RGS6: variants seen among roughly 807,000 people sequenced by gnomAD.
The protein encoded by RGS6 is regulator of G protein signaling 6, also known as regulator of G-protein signaling 6.
RGS6 carries 30 observed loss-of-function variants against 78.5 expected under a neutral mutation model. That is an observed-to-expected ratio of 0.38 (90% CI 0.29 to 0.52). The LOEUF (loss-of-function observed/expected upper bound fraction) is 0.52, where lower values mean the gene tolerates loss of function less well. Among genes scored for constraint, RGS6 ranks in the 20% least tolerant of loss-of-function variants. RGS6 has a pLI of 0.85. For synonymous variants in RGS6, 206 were observed against 206.0 expected (o/e 1.00, Z 0.00); for missense variants, 495 against 609.7 (o/e 0.81, Z 1.98).
In RGS6 at chr14:72,453,611, G is replaced by A. The variant is rs1322783929; in HGVS notation, c.185-917G>A. 1.2e-4 allele frequency among the ~76,000 whole-genome samples: 9 copies of A among 75,018 alleles called. No homozygotes were observed. In the South Asian group the frequency reaches 3.4e-3, roughly 28 times the overall value. The allele number at this position is 75,018 out of a possible 152,430, so 49.2% of individuals were successfully genotyped here. On this transcript the variant is annotated intron_variant, in intron 3 of 17. Coordinates refer to ENST00000553525, the MANE Select transcript of RGS6 (RefSeq NM_001204424.2). ...AGCCTGGGCGACAGAGCGAGACTCC[G>A]TCTCAAAAAAAAAAAAAAAAAAAAA... is the stretch of plus-strand genomic sequence containing the variant.
At chr14:72,060,294 A>G (rs1199689639) in intron 2 of RGS6, among the ~76,000 whole-genome samples, 2 of 151,280 alleles carry the variant, frequency 1.3e-5, no homozygotes, top group East Asian at 3.9e-4. Context: ...GCAAGTATTT[A>G]TTCATTTACT....
the RGS6 span, among the ~76,000 whole-genome samples, chr14:72,579,984 T>C: frequency 6.6e-6 from 1 of 152,178 alleles, no homozygotes; most frequent in Non-Finnish European, 1.5e-5. Flanking sequence ...CCAGGGGGAA[T>C]AATATCAGCT....
At chr14:72,148,516 G>A (rs1415158308) in intron 2 of RGS6, among the ~76,000 whole-genome samples, 2 of 152,208 alleles carry the variant, frequency 1.3e-5, no homozygotes, top group African/African-American at 4.8e-5. Flanking sequence ...CTTTGGAGAG[G>A]AGTGGTAGTA....
At position 72,221,816 on chromosome 14, in the gene RGS6, G is replaced by A. The variant is rs569897794; in HGVS notation, c.85-130279G>A. On this transcript the variant is annotated intron_variant, in intron 2 of 17. Coordinates refer to ENST00000553525, the MANE Select transcript of RGS6 (RefSeq NM_001204424.2). Reference sequence around the variant, plus strand: ...ATTCAATTAGTTTGGCCAGAGAGTCGCTGTGTGCTAGTTGGCTTAGGCCAG... The same window carrying A: ...ATTCAATTAGTTTGGCCAGAGAGTCACTGTGTGCTAGTTGGCTTAGGCCAG... Among the ~76,000 whole-genome samples, 8 of 152,244 alleles carry A rather than the reference G, an allele frequency of 5.3e-5. No individual in the cohort carries two copies. The South Asian group carries it at 6.2e-4, about 12-fold the overall frequency.
At chr14:72,342,808 A>C (rs1459141656) in intron 2 of RGS6, among the ~76,000 whole-genome samples, 2 of 152,012 alleles carry the variant, frequency 1.3e-5, no homozygotes, top group African/African-American at 2.4e-5. Context: ...GATCAAAAAA[A>C]ATGCAGCATT....
intron 1 of RGS6, among the ~76,000 whole-genome samples, chr14:71,963,961 A>T (rs1006182305): frequency 6.6e-6 from 1 of 151,634 alleles, no homozygotes; most frequent in African/African-American, 2.4e-5. Context: ...TGACTGTGTC[A>T]TTTTACATTC....
At chr14:72,502,372 G>T (rs575294648) in intron 13 of RGS6, among the ~76,000 whole-genome samples, 2 of 152,312 alleles carry the variant, frequency 1.3e-5, no homozygotes, top group Admixed American at 1.3e-4. Flanking sequence ...ATCCCCAAGT[G>T]AGAACCACCC....
At chr14:72,522,717 CT>C (rs2153470781) in intron 15 of RGS6, among the ~76,000 whole-genome samples, 1 of 152,162 alleles carries the variant, frequency 6.6e-6, no homozygotes, top group Non-Finnish European at 1.5e-5. Flanking sequence ...AACATAAAAA[CT>C]GTTCTTCGCT....
At chr14:71,933,769 T>C (rs2088371731) in intron 1 of RGS6, among the ~76,000 whole-genome samples, 1 of 152,190 alleles carries the variant, frequency 6.6e-6, no homozygotes, top group South Asian at 2.1e-4. Flanking sequence ...AGGTGAGTTC[T>C]GATCAATACC....
At chr14:72,464,571 T>C (rs2095855345) in intron 6 of RGS6, 1 of 152,216 alleles carries the variant, frequency 6.6e-6, no homozygotes, top group Non-Finnish European at 1.5e-5. Flanking sequence ...AGAGATCTTG[T>C]TGTCCAACAA....
intron 13 of RGS6, among the ~76,000 whole-genome samples, chr14:72,509,088 G>A (rs1181484213): frequency 6.6e-6 from 1 of 152,074 alleles, no homozygotes; most frequent in Non-Finnish European, 1.5e-5. Context: ...ACTGGGGCCG[G>A]GTGCAGTGGC....
At chr14:72,131,479 A>G (rs1250020403) in intron 2 of RGS6, among the ~76,000 whole-genome samples, 2 of 152,220 alleles carry the variant, frequency 1.3e-5, no homozygotes, top group Non-Finnish European at 2.9e-5. Flanking sequence ...AGCCTATGAT[A>G]TGAAATTCTG....
intron 2 of RGS6, among the ~76,000 whole-genome samples, chr14:71,986,970 A>G (rs997090453): frequency 3.9e-5 from 6 of 152,028 alleles, no homozygotes; most frequent in African/African-American, 1.4e-4. Flanking sequence ...CGGTGATTAC[A>G]TGGAGCCCAC....
downstream of RGS6, chr14:72,566,660 CA>C: frequency 6.9e-6 from 1 of 145,222 alleles, no homozygotes; most frequent in African/African-American, 2.6e-5. Context: ...CACACACACA[CA>C]CACACACACA....
At chr14:72,039,813 A>ATT (rs3053082) in intron 2 of RGS6, among the ~76,000 whole-genome samples, 32,030 of 68,878 alleles carry the variant, frequency 0.47, 8,481 homozygotes, top group African/African-American at 0.56. Context: ...TGTTTCATTG[A>ATT]TTTTTTTTTT....
At position 72,262,923 on chromosome 14, in the gene RGS6, G is replaced by A. The variant is rs367965836; in HGVS notation, c.85-89172G>A. 3.7e-4 allele frequency among the ~76,000 whole-genome samples: 56 copies of A among 152,130 alleles called. 1 individual carries two copies. The South Asian group carries it at 0.011, about 31-fold the overall frequency. ...CTCCTCAGGAGGGTCCTTTTCCTGT[G>A]GTGGCATTGATTACCTGGGGCAGCT... On this transcript the variant is annotated intron_variant, in intron 2 of 17. Transcript: ENST00000553525.
At chr14:72,205,737 T>A (rs993183966) in intron 2 of RGS6, among the ~76,000 whole-genome samples, 2 of 152,242 alleles carry the variant, frequency 1.3e-5, no homozygotes, top group Non-Finnish European at 2.9e-5. Flanking sequence ...AAAAATAGTT[T>A]ACTGGCTAAG....
In RGS6 at chr14:72,510,165, G is replaced by C; in HGVS notation, c.977G>C (p.Ser326Thr). 1 of 1,610,412 alleles carries C rather than the reference G, an allele frequency of 6.2e-7. No homozygotes were observed. Among genetic ancestry groups the C allele is most frequent in the Non-Finnish European group, 8.5e-7 (1 of 1,178,672 alleles). Residue 326 changes from serine (S) to threonine (T), a missense_variant, in exon 14 of 18, where the codon AGC (serine) becomes ACC (threonine). Physicochemically the swap from Ser to Thr is moderately conservative, Grantham distance 58 (BLOSUM62 1). Coordinates refer to ENST00000553525, the MANE Select transcript of RGS6 (RefSeq NM_001204424.2). Reference sequence around the variant, plus strand: ...CCTTCACCCCAAAGCAAAGAGCCCAGCCAACAGCGAGTAAAAAGATGGGGC... The same window carrying C: ...CCTTCACCCCAAAGCAAAGAGCCCACCCAACAGCGAGTAAAAAGATGGGGC... Reference protein sequence around the residue: ...LWDIEMSKEPSQQRVKRWGFS... With the variant: ...LWDIEMSKEPTQQRVKRWGFS...
chr14:72,112,681 C>T (rs1280658563), intron 2 of RGS6, among the ~76,000 whole-genome samples: 1 of 152,190 alleles, frequency 6.6e-6, no homozygotes, highest in Non-Finnish European at 1.5e-5. Flanking sequence ...AATGTCATCA[C>T]CATTTTCAGA....
Sources: gnomAD v4.1 joint callset for allele counts (sites outside exome capture counted in the v4.1 genomes callset) on GRCh38, gnomAD v4.1.1 for gene constraint, MANE v1.5 for transcripts, NCBI Gene and HGNC (gene_info 2026-07-23, HGNC 2026-07-21) for gene names.